Variants in CCNF observed in about 807,000 individuals in gnomAD.
CCNF encodes the protein cyclin-F.
In CCNF, 30 loss-of-function variants were observed where a neutral mutation model predicts 85.4. The observed-to-expected ratio is 0.35, with a 90% CI of 0.26 to 0.48. The LOEUF (loss-of-function observed/expected upper bound fraction) is 0.48. CCNF is among the 20% of genes least tolerant of loss of function. The probability of loss-of-function intolerance (pLI) is 0.99; values close to 1 mark genes in which losing one functional copy is unlikely to be tolerated. For synonymous variants in CCNF, 439 were observed against 425.1 expected (o/e 1.03, Z -0.40); for missense variants, 919 against 1,010.4 (o/e 0.91, Z 1.23).
chr16:2,431,752 C>G (rs553894078), intron 2 of CCNF, among the ~76,000 whole-genome samples: 3 of 150,646 alleles, frequency 2.0e-5, no homozygotes, highest in Non-Finnish European at 4.4e-5. Flanking sequence ...TTCTTTAAGA[C>G]ATTCTGATTA....
chr16:2,435,672 T>C (rs1325057184), intron 3 of CCNF, 134 bp from the exon 4 acceptor site: 785 of 11,534 alleles, frequency 0.068, 10 homozygotes, highest in African/African-American at 0.16. Context: ...CACACATATA[T>C]ATATATATAT....
At position 2,453,149 on chromosome 16, in the gene CCNF, C is replaced by G; in HGVS notation, c.1488-61C>G. 7.0e-7 allele frequency: 1 copy of G among 1,432,270 alleles called. No homozygotes were observed. Among genetic ancestry groups the G allele is most frequent in the Admixed American group, 1.7e-5 (1 of 59,542 alleles). The allele number at this position is 1,432,270 out of a possible 1,614,324, so 88.7% of individuals were successfully genotyped here. A position where few individuals can be genotyped will look rare whatever the true frequency, so the allele number is the denominator to read the frequency against. Reference sequence around the variant, plus strand: ...CATTCTCATTGCTCACTTCAGTGAACTGAAGCTAAAAATGGGGTGGGGGTG... The same window carrying G: ...CATTCTCATTGCTCACTTCAGTGAAGTGAAGCTAAAAATGGGGTGGGGGTG... On this transcript the variant is annotated intron_variant, in intron 13 of 16. Transcript: ENST00000397066. The surrounding 1 kb of genome is among the most constrained non-coding windows in gnomAD (Gnocchi z 5.6).
In CCNF at chr16:2,449,785, G is replaced by GTCCCCTCCC. The variant is rs2065383809; in HGVS notation, c.1400-35_1400-34insCTCCCCTCC. 28 of 654,602 alleles carry GTCCCCTCCC rather than the reference G, an allele frequency of 4.3e-5. 1 individual carries two copies. The highest frequency in any genetic ancestry group is 8.9e-5 in the Admixed American group (4 of 44,894). The allele number at this position is 654,602 out of a possible 1,614,324, so 40.5% of individuals were successfully genotyped here. On this transcript the variant is annotated intron_variant, in intron 12 of 16. Transcript: ENST00000397066. ...CCCCTCCGTCCCCTCCATCCCCTCC[G>GTCCCCTCCC]TCCCCTCCATCCCCTCCACCCCTGG...
At position 2,449,879 on chromosome 16, in the gene CCNF, A is replaced by C; in HGVS notation, c.1451A>C (p.Asp484Ala). ...LWDLTGFSYE[D>A]LIPCVLSLHK... ...GACCTCACCGGATTCTCCTATGAAG[A>C]CCTCATTCCCTGCGTCTTGAGCCTC... is the stretch of plus-strand genomic sequence containing the variant. Residue 484 changes from aspartate to alanine, a missense_variant, in exon 13 of 17, where the codon GAC (aspartate) becomes GCC (alanine). Asp to Ala is a moderately radical substitution (Grantham distance 126). Around this residue, in one of 3 missense-constraint regions of CCNF, gnomAD observed 505 missense variants for 514.8 expected, o/e 0.98. Transcript: ENST00000397066. 3 of 1,609,068 alleles carry C rather than the reference A, an allele frequency of 1.9e-6. No homozygotes were observed. The highest frequency in any genetic ancestry group is 1.7e-4 in the Middle Eastern group (1 of 6,050).
chr16:2,457,269 G>A lies in CCNF; in HGVS notation c.*249G>A, dbSNP rs1296221494. On this transcript the variant is annotated 3_prime_UTR_variant, in exon 17 of 17. Transcript: ENST00000397066. Reference sequence around the variant, plus strand: ...GCCTGGAAGCAGTTGGCCACACTGTGTGGAGGGCACCTCTCTGTCCCTTCC... The same window carrying A: ...GCCTGGAAGCAGTTGGCCACACTGTATGGAGGGCACCTCTCTGTCCCTTCC... 1 of 444,290 alleles carries A rather than the reference G, an allele frequency of 2.3e-6. No homozygotes were observed. The highest frequency in any genetic ancestry group is 3.9e-5 in the East Asian group (1 of 25,894). The allele number at this position is 444,290 out of a possible 1,614,324, so 27.5% of individuals were successfully genotyped here. A position where few individuals can be genotyped will look rare whatever the true frequency, so the allele number is the denominator to read the frequency against.
At chr16:2,449,949 G>A (rs377119279) in intron 13 of CCNF, 34 bp downstream of exon 13, 36 of 1,469,214 alleles carry the variant, frequency 2.5e-5, no homozygotes, top group Middle Eastern at 1.7e-4. Flanking sequence ...GCTCATGCCT[G>A]TAACCCCAGC....
rs2065443427 is a variant in CCNF at position 2,458,413 on chromosome 16, C to T, written c.*1393C>T. 6.6e-6 allele frequency: 1 copy of T among 152,178 alleles called. No homozygotes were observed. The highest frequency in any genetic ancestry group is 1.9e-4 in the East Asian group (1 of 5,200). 9.4% of individuals were successfully genotyped at this position (152,178 alleles called of 1,614,324 possible). A position where few individuals can be genotyped will look rare whatever the true frequency, so the allele number is the denominator to read the frequency against. On this transcript the variant is annotated 3_prime_UTR_variant, in exon 17 of 17. Transcript: ENST00000397066. Reference sequence around the variant, plus strand: ...ATTACAAGCACCCAACCACGCCCAGCTAATTTTTGTATTTTCGGTAGAGAC... The same window carrying T: ...ATTACAAGCACCCAACCACGCCCAGTTAATTTTTGTATTTTCGGTAGAGAC...
chr16:2,443,709 A>G lies in CCNF; in HGVS notation c.838A>G (p.Ser280Gly). 1 of 1,614,174 alleles carries G rather than the reference A, an allele frequency of 6.2e-7. No individual in the cohort carries two copies. Among genetic ancestry groups the G allele is most frequent in the Non-Finnish European group, 8.5e-7 (1 of 1,180,010 alleles). The change falls in exon 9 of 17, where the codon AGT becomes GGT. Residue 280 changes from serine (S) to glycine (G), a missense_variant. Coordinates refer to ENST00000397066, the MANE Select transcript of CCNF (RefSeq NM_001761.3). ...NQLGLEVRAS[S>G]EIVCQLFQAS... is the part of the protein sequence containing the mutation. ...GCTTGGACTGGAGGTGAGAGCTTCC[A>G]GTGAGATCGTCTGCCAGCTATTTCA...
In CCNF at chr16:2,453,476, T is replaced by C. The variant is rs1268387434; in HGVS notation, c.1654T>C (p.Phe552Leu). 2 of 1,614,052 alleles carry C rather than the reference T, an allele frequency of 1.2e-6. No homozygotes were observed. Among genetic ancestry groups the C allele is most frequent in the Middle Eastern group, 1.6e-4 (1 of 6,062 alleles). ...ACAAGACAGCCCCGACCCCCCGACTTTCCTCAGCACAGGGGAGATCCACGC... is the reference window on the plus strand; with the variant it reads ...ACAAGACAGCCCCGACCCCCCGACTCTCCTCAGCACAGGGGAGATCCACGC... ...VTQDSPDPPT[F>L]LSTGEIHAFL... The change falls in exon 15 of 17, where the codon TTC becomes CTC. Residue 552 changes from phenylalanine to leucine, a missense_variant. By Grantham distance (22) the Phe-to-Leu change is conservative (BLOSUM62 0). This residue lies in a region of CCNF where 505 missense variants were observed against 514.8 expected (regional missense o/e 0.98). Transcript: ENST00000397066. The surrounding 1 kb of genome is among the most constrained non-coding windows in gnomAD (Gnocchi z 5.6).
chr16:2,439,763 G>T lies in CCNF; in HGVS notation c.714G>T (p.Gly238=). The part of the protein sequence containing the change: ...SDRRTDVSDP[G]RCLHSFRKLR... ...CCCATTGACAGGTGTCAGATCCTGG[G>T]CGATGCCTCCACAGCTTCCGAAAAC... is the stretch of plus-strand genomic sequence containing the variant. The change falls in exon 8 of 17, where the codon GGG becomes GGT. Residue 238 remains glycine (G), a synonymous_variant. Coordinates refer to ENST00000397066, the MANE Select transcript of CCNF (RefSeq NM_001761.3). 1.9e-6 allele frequency: 3 copies of T among 1,614,148 alleles called. No homozygotes were observed. Among genetic ancestry groups the T allele is most frequent in the Non-Finnish European group, 2.5e-6 (3 of 1,179,994 alleles).
chr16:2,435,082 T>A (rs985774203), intron 3 of CCNF, among the ~76,000 whole-genome samples: 1 of 151,826 alleles, frequency 6.6e-6, no homozygotes, highest in Non-Finnish European at 1.5e-5. Flanking sequence ...AAACCCCGTC[T>A]CTACTAAAAA....
intron 8 of CCNF, among the ~76,000 whole-genome samples, chr16:2,443,010 AT>A (rs1306521329): frequency 3.6e-5 from 4 of 111,780 alleles, no homozygotes; most frequent in East Asian, 2.2e-4. Flanking sequence ...ATATTATATA[AT>A]TATATTATAT....
rs2065400133 is a variant in CCNF, at chr16:2,452,439, T to A, written c.1488-771T>A. 6.6e-6 allele frequency: 1 copy of A among 152,310 alleles called. No individual in the cohort carries two copies. The highest frequency in any genetic ancestry group is 1.5e-5 in the Non-Finnish European group (1 of 68,094). 9.4% of individuals were successfully genotyped at this position (152,310 alleles called of 1,614,324 possible). On this transcript the variant is annotated intron_variant, in intron 13 of 16. Transcript: ENST00000397066. This position sits in a 1 kb window ranked among gnomAD's most constrained non-coding sequence, Gnocchi z 4.1. ...GTCTCGTCCCACCCACCTTTGCTTA[T>A]GGGGAGCACAGATCGTCCCAACCCT...
At position 2,452,074 on chromosome 16, in the gene CCNF, C is replaced by T. The variant is rs866704519; in HGVS notation, c.1488-1136C>T. On this transcript the variant is annotated intron_variant, in intron 13 of 16. Transcript: ENST00000397066. This position sits in a 1 kb window ranked among gnomAD's most constrained non-coding sequence, Gnocchi z 4.1. ...TCCTCGTCAGTGCAGTTTCCTCGTGCGCTCACAGCTTGGGGACTGGAGCTA... is the reference window on the plus strand; with the variant it reads ...TCCTCGTCAGTGCAGTTTCCTCGTGTGCTCACAGCTTGGGGACTGGAGCTA... Among the ~76,000 whole-genome samples, 2 of 152,360 alleles carry T rather than the reference C, an allele frequency of 1.3e-5. No individual in the cohort carries two copies. The highest frequency in any genetic ancestry group is 1.9e-4 in the East Asian group (1 of 5,186).
intron 5 of CCNF, chr16:2,437,552 C>G (rs761625786): frequency 2.1e-6 from 1 of 477,642 alleles, no homozygotes; most frequent in Non-Finnish European, 3.7e-6. Context: ...GTGCTGACAG[C>G]TGGAAACATG....
chr16:2,442,833 T>A (rs1226028470), intron 8 of CCNF, among the ~76,000 whole-genome samples: 1 of 86,174 alleles, frequency 1.2e-5, no homozygotes, highest in Non-Finnish European at 2.0e-5. Flanking sequence ...ATATGTAATA[T>A]TATATTCTAT....
At chr16:2,445,324 T>G in intron 9 of CCNF, 134 bp from the exon 10 acceptor site, 1 of 1,050,418 alleles carries the variant, frequency 9.5e-7, no homozygotes, top group East Asian at 2.4e-5. Context: ...CTCTCCAGCC[T>G]TGGTTCCAGG....
In CCNF at chr16:2,456,919, A is replaced by G; in HGVS notation, c.2260A>G (p.Ser754Gly). Residue 754 changes from serine to glycine, a missense_variant, in exon 17 of 17, where the codon AGT becomes GGT. Ser to Gly is a moderately conservative substitution (Grantham distance 56, BLOSUM62 0). Coordinates refer to ENST00000397066, the MANE Select transcript of CCNF (RefSeq NM_001761.3). The surrounding 1 kb of genome is among the most constrained non-coding windows in gnomAD (Gnocchi z 4.5). The part of the protein sequence containing the change: ...RKSCLQCRPP[S>G]PPESSVPQQQ... Reference sequence around the variant, plus strand: ...GTCATGTTTACAGTGTCGTCCCCCAAGTCCCCCGGAGAGCAGTGTTCCCCA... The same window carrying G: ...GTCATGTTTACAGTGTCGTCCCCCAGGTCCCCCGGAGAGCAGTGTTCCCCA... The G allele has an allele frequency of 1.9e-6, 3 of 1,614,126 alleles. No individual in the cohort carries two copies. Among genetic ancestry groups the G allele is most frequent in the South Asian group, 1.1e-5 (1 of 91,080 alleles).
intron 10 of CCNF, 87 bp downstream of exon 10, chr16:2,445,709 G>T: frequency 7.9e-6 from 9 of 1,145,714 alleles, no homozygotes; most frequent in Non-Finnish European, 1.1e-5. Flanking sequence ...CTCCTCACTG[G>T]TTTGGTTTTG....
Sources: allele counts gnomAD v4.1 joint callset (sites outside exome capture counted in the v4.1 genomes callset), GRCh38; gene constraint gnomAD v4.1.1; regional missense constraint gnomAD v4.1.1; non-coding constraint Gnocchi (gnomAD v3.1); transcripts MANE v1.5; gene names NCBI Gene and HGNC (gene_info 2026-07-23, HGNC 2026-07-21).